ALG9: variants seen among roughly 807,000 people sequenced by gnomAD.
ALG9 encodes alpha-1,2-mannosyltransferase ALG9.
ALG9 carries 55 observed loss-of-function variants against 81.8 expected under a neutral mutation model. The observed-to-expected ratio is 0.67, with a 90% CI of 0.54 to 0.84. The LOEUF (loss-of-function observed/expected upper bound fraction) is 0.84. Among genes scored for constraint, ALG9 ranks in the 40% least tolerant of loss-of-function variants. The probability of loss-of-function intolerance (pLI) is 0.00; values close to 1 mark genes in which losing one functional copy is unlikely to be tolerated. For synonymous variants in ALG9, 278 were observed against 274.3 expected, an observed-to-expected ratio of 1.01 and a Z score of -0.13; for missense variants, 629 against 745.0, an observed-to-expected ratio of 0.84 and a Z score of 1.81.
intron 13 of ALG9, among the ~76,000 whole-genome samples, chr11:111,825,340 A>C (rs1354903803): frequency 6.6e-6 from 1 of 152,238 alleles, no homozygotes; most frequent in African/African-American, 2.4e-5. Context: ...GTCTTTAAAC[A>C]AATGTAAAAT....
intron 4 of ALG9, among the ~76,000 whole-genome samples, chr11:111,861,026 A>T (rs1211122288): frequency 6.6e-6 from 1 of 152,208 alleles, no homozygotes; most frequent in Non-Finnish European, 1.5e-5. Context: ...TAAAATAATG[A>T]TAATAATACA....
At chr11:111,864,950 T>C (rs1475213657) in intron 4 of ALG9, among the ~76,000 whole-genome samples, 2 of 152,140 alleles carry the variant, frequency 1.3e-5, no homozygotes, top group Non-Finnish European at 2.9e-5. Context: ...GCTAATTTTG[T>C]ATTTTTAGTA....
chr11:111,847,592 G>A (rs1408804841), intron 8 of ALG9, among the ~76,000 whole-genome samples: 2 of 151,972 alleles, frequency 1.3e-5, no homozygotes, highest in African/African-American at 4.8e-5. Context: ...ATGTTATGAG[G>A]GGCAAAATCA....
At chr11:111,800,278 A>C (rs537231777) in intron 14 of ALG9, among the ~76,000 whole-genome samples, 150 of 152,138 alleles carry the variant, frequency 9.9e-4, no homozygotes, top group Non-Finnish European at 1.6e-3. Context: ...CAGGAGATTG[A>C]GACCATCCTG....
intron 14 of ALG9, among the ~76,000 whole-genome samples, chr11:111,807,547 A>C (rs1950102476): frequency 6.6e-6 from 1 of 152,126 alleles, no homozygotes; most frequent in Admixed American, 6.5e-5. Context: ...TCATCCTCTA[A>C]TATACTATAT....
intron 11 of ALG9, 146 bp downstream of exon 11, chr11:111,838,103 C>A: frequency 1.2e-6 from 1 of 807,356 alleles, no homozygotes; most frequent in South Asian, 1.7e-5. Flanking sequence ...AGTCATATGC[C>A]ACTCATTAAT....
Position 111,838,371 on chromosome 11 carries a change from T to C in ALG9, c.1202A>G (p.Tyr401Cys). The part of the protein sequence containing the change: ...QHSFLYFQKC[Y>C]HFVFQRYRLE... ...GCGATATCGTTGAAACACAAAGTGG[T>C]AACATTTCTGGAAGTACAGAAAACT... The change falls in exon 11 of 15, where the codon TAC becomes TGC. Residue 401 changes from tyrosine to cysteine, a missense_variant. Coordinates refer to ENST00000616540, the MANE Select transcript of ALG9 (RefSeq NM_024740.2). 1 of 1,613,380 alleles carries C rather than the reference T, an allele frequency of 6.2e-7. No individual in the cohort carries two copies. Among genetic ancestry groups the C allele is most frequent in the Non-Finnish European group, 8.5e-7 (1 of 1,179,306 alleles).
chr11:111,801,913 A>G (rs1379126365), intron 14 of ALG9, among the ~76,000 whole-genome samples: 1 of 152,222 alleles, frequency 6.6e-6, no homozygotes. Context: ...TGAAGGCACA[A>G]TAGAGCCCTA....
chr11:111,871,151 A>G, intron 1 of ALG9: 1 of 1,277,196 alleles, frequency 7.8e-7, no homozygotes, highest in Non-Finnish European at 9.8e-7. Flanking sequence ...TTTACAGCGC[A>G]GTGGAGGGAT....
chr11:111,862,244 T>C (rs557272420), intron 4 of ALG9, among the ~76,000 whole-genome samples: 14 of 150,524 alleles, frequency 9.3e-5, no homozygotes, highest in Middle Eastern at 3.4e-3. Context: ...TTTTTCTTTT[T>C]TTTTTTTTTT....
chr11:111,805,882 G>C (rs1032648407), intron 14 of ALG9, among the ~76,000 whole-genome samples: 4 of 152,014 alleles, frequency 2.6e-5, no homozygotes, highest in African/African-American at 7.2e-5. Flanking sequence ...GCAAGGTCTC[G>C]CTCTGTCACC....
intron 14 of ALG9, among the ~76,000 whole-genome samples, chr11:111,795,458 T>A (rs964131910): frequency 5.9e-5 from 9 of 152,158 alleles, no homozygotes; most frequent in Admixed American, 5.9e-4. Flanking sequence ...AAAGAAAATA[T>A]ACTGCAAAAG....
intron 4 of ALG9, chr11:111,864,281 A>C (rs964302480): frequency 2.6e-6 from 3 of 1,134,748 alleles, no homozygotes. Context: ...CGTTGCCGCT[A>C]TGAAGAAAGT....
intron 8 of ALG9, among the ~76,000 whole-genome samples, chr11:111,848,933 C>T (rs782552813): frequency 2.6e-5 from 4 of 152,162 alleles, no homozygotes; most frequent in Non-Finnish European, 5.9e-5. Flanking sequence ...CCCTGTAGCA[C>T]ATAAAACACT....
chr11:111,864,474 A>C (rs1961578976), intron 4 of ALG9: 1 of 732,690 alleles, frequency 1.4e-6, no homozygotes, highest in Non-Finnish European at 2.6e-6. Context: ...AATGAATTTC[A>C]AAAGTTTCCC....
chr11:111,845,943 G>C (rs148663344), intron 8 of ALG9, among the ~76,000 whole-genome samples: 32 of 152,278 alleles, frequency 2.1e-4, no homozygotes, highest in African/African-American at 6.5e-4. Context: ...CGTCACCTTT[G>C]GGGGAAGCTC....
At chr11:111,862,239 C>CTTT (rs782528613) in intron 4 of ALG9, among the ~76,000 whole-genome samples, 10 of 131,382 alleles carry the variant, frequency 7.6e-5, no homozygotes, top group South Asian at 2.4e-4. Flanking sequence ...TCTTTTTTTT[C>CTTT]TTTTTTTTTT....
At chr11:111,840,599 C>A (rs1836107996) in intron 10 of ALG9, 56 bp downstream of exon 10, 1 of 1,602,970 alleles carries the variant, frequency 6.2e-7, no homozygotes, top group Admixed American at 1.7e-5. Flanking sequence ...AGTTTGTGAG[C>A]AATTATTTAA....
intron 14 of ALG9, among the ~76,000 whole-genome samples, chr11:111,794,940 C>T (rs1282596747): frequency 6.6e-6 from 1 of 152,182 alleles, no homozygotes; most frequent in Non-Finnish European, 1.5e-5. Flanking sequence ...GCAATTTAAG[C>T]ACATCTCAAA....
Sources: gnomAD v4.1 joint callset for allele counts (sites outside exome capture counted in the v4.1 genomes callset) on GRCh38, gnomAD v4.1.1 for gene constraint, MANE v1.5 for transcripts, NCBI Gene and HGNC (gene_info 2026-07-23, HGNC 2026-07-21) for gene names.